Variants in ACP3 observed in about 807,000 individuals in gnomAD.
ACP3 encodes the protein acid phosphatase 3.
A neutral mutation model predicts 45.6 loss-of-function variants in ACP3; 38 were observed. That is an observed-to-expected ratio of 0.83 (90% CI 0.64 to 1.09). The LOEUF (loss-of-function observed/expected upper bound fraction) is 1.09, where lower values mean the gene tolerates loss of function less well. ACP3 is among the 50% of genes least tolerant of loss of function. The pLI is 0.00. For synonymous variants in ACP3, 162 were observed against 164.7 expected (o/e 0.98, Z 0.13); for missense variants, 466 against 463.2 (o/e 1.01, Z -0.05).
intron 5 of ACP3, among the ~76,000 whole-genome samples, chr3:132,341,848 A>G (rs1937556342): frequency 6.6e-6 from 1 of 152,240 alleles, no homozygotes; most frequent in Non-Finnish European, 1.5e-5. Flanking sequence ...TAGAAATTTC[A>G]TCCATCAGAC....
At chr3:132,330,603 C>G (rs1937382640) in intron 2 of ACP3, among the ~76,000 whole-genome samples, 1 of 152,162 alleles carries the variant, frequency 6.6e-6, no homozygotes, top group Non-Finnish European at 1.5e-5. Context: ...TTCTCCGCTA[C>G]TCAGGTCACG....
At chr3:132,320,917 C>G (rs1937195995) in intron 1 of ACP3, among the ~76,000 whole-genome samples, 1 of 152,156 alleles carries the variant, frequency 6.6e-6, no homozygotes, top group African/African-American at 2.4e-5. Flanking sequence ...TCCCAAAGGG[C>G]TGAGATTACA....
Position 132,328,248 on chromosome 3 carries a change from C to T in ACP3, c.121-19C>T, listed in dbSNP as rs778231613. 1.9e-6 allele frequency: 3 copies of T among 1,602,128 alleles called. No homozygotes were observed. In the Admixed American group the frequency reaches 5.0e-5, roughly 27 times the overall value. On this transcript the variant is annotated intron_variant, in intron 1 of 9. Coordinates refer to ENST00000336375, the MANE Select transcript of ACP3 (RefSeq NM_001099.5). Reference sequence around the variant, plus strand: ...CCCAAGTGACGTTTGTAACATCACTCTCTCACATCTACTTTCAGGTGTTTC... The same window carrying T: ...CCCAAGTGACGTTTGTAACATCACTTTCTCACATCTACTTTCAGGTGTTTC...
At chr3:132,360,534 C>T (rs969203652), downstream of ACP3, among the ~76,000 whole-genome samples, 4 of 152,144 alleles carry the variant, frequency 2.6e-5, no homozygotes, top group South Asian at 4.1e-4. Flanking sequence ...GATTCCAGAT[C>T]GTATCAATTA....
intron 8 of ACP3, among the ~76,000 whole-genome samples, chr3:132,350,258 A>C (rs1157942667): frequency 1.3e-5 from 2 of 152,228 alleles, no homozygotes; most frequent in African/African-American, 4.8e-5. Flanking sequence ...CACCTCAGAA[A>C]ATCTAGCCAT....
intron 1 of ACP3, among the ~76,000 whole-genome samples, chr3:132,320,233 C>T (rs1937180710): frequency 6.6e-6 from 1 of 152,142 alleles, no homozygotes; most frequent in Non-Finnish European, 1.5e-5. Context: ...TCACCTCCCT[C>T]TTTTTTTCCC....
rs915545478 is a variant in ACP3 at position 132,342,431 on chromosome 3, G to A, written c.556-121G>A. On this transcript the variant is annotated intron_variant, in intron 5 of 9. Coordinates refer to ENST00000336375, the MANE Select transcript of ACP3 (RefSeq NM_001099.5). ...TAGTGGGCAGAGGCCAGGATACTGT[G>A]AAACATCCTATAATGCACAGGAGAG... 7.8e-6 allele frequency: 5 copies of A among 641,292 alleles called. No homozygotes were observed. The African/African-American group carries it at 9.2e-5, about 12-fold the overall frequency. The allele number at this position is 641,292 out of a possible 1,614,324, so 39.7% of individuals were successfully genotyped here.
intron 7 of ACP3, among the ~76,000 whole-genome samples, chr3:132,345,748 G>T (rs1194692708): frequency 6.6e-6 from 1 of 152,130 alleles, no homozygotes; most frequent in Non-Finnish European, 1.5e-5. Flanking sequence ...TCATATGAAG[G>T]CAGACCCAGG....
At chr3:132,343,529 AT>A (rs1023123037) in intron 6 of ACP3, among the ~76,000 whole-genome samples, 8 of 151,724 alleles carry the variant, frequency 5.3e-5, no homozygotes, top group Admixed American at 1.3e-4. Flanking sequence ...TCCAGTCATA[AT>A]TTTTTTTTCT....
At chr3:132,356,664 C>T (rs1937906017) in intron 9 of ACP3, 22 bp from the exon 10 acceptor site, 1 of 1,613,076 alleles carries the variant, frequency 6.2e-7, no homozygotes, top group African/African-American at 1.3e-5. Flanking sequence ...ACAGAGCTCT[C>T]TCCTCTGCCT....
intron 1 of ACP3, among the ~76,000 whole-genome samples, chr3:132,318,655 T>A (rs949910683): frequency 1.3e-5 from 2 of 152,134 alleles, no homozygotes; most frequent in African/African-American, 4.8e-5. Flanking sequence ...AAACAAACTA[T>A]CAATTTATTT....
chr3:132,335,585 A>T (rs756539667), intron 4 of ACP3, among the ~76,000 whole-genome samples: 2 of 152,224 alleles, frequency 1.3e-5, no homozygotes, highest in Non-Finnish European at 2.9e-5. Context: ...AAGAAGTAAA[A>T]TAAAATAATG....
At chr3:132,333,247 C>T (rs538477094) in intron 4 of ACP3, among the ~76,000 whole-genome samples, 2 of 152,282 alleles carry the variant, frequency 1.3e-5, no homozygotes, top group South Asian at 4.1e-4. Flanking sequence ...AACGTGTTTA[C>T]ACAGGTTGGG....
At position 132,352,125 on chromosome 3, in the gene ACP3, T is replaced by G. The variant is rs138228115; in HGVS notation, c.865-595T>G. 6.9e-4 allele frequency among the ~76,000 whole-genome samples: 105 copies of G among 152,298 alleles called. 1 individual carries two copies. The East Asian group carries it at 0.017, about 24-fold the overall frequency. ...TTGATTCAAATTTACTTTCTTCCAT[T>G]TGGGGTTATATGACATTAAGCAAGT... On this transcript the variant is annotated intron_variant, in intron 8 of 9. Transcript: ENST00000336375.
In ACP3 at chr3:132,356,920, C is replaced by G. The variant is rs1937918387; in HGVS notation, c.*42C>G. ...TGTAGAAGGAGTAGCTGCCCTTTCT[C>G]AGGGCAGATGATGCTTTGAGAACAT... On this transcript the variant is annotated 3_prime_UTR_variant, in exon 10 of 10. Coordinates refer to ENST00000336375, the MANE Select transcript of ACP3 (RefSeq NM_001099.5). The G allele has an allele frequency of 1.3e-6, 2 of 1,574,672 alleles. No homozygotes were observed. Among genetic ancestry groups the G allele is most frequent in the African/African-American group, 1.4e-5 (1 of 73,718 alleles).
At chr3:132,320,400 C>T (rs1937184438) in intron 1 of ACP3, among the ~76,000 whole-genome samples, 1 of 152,160 alleles carries the variant, frequency 6.6e-6, no homozygotes, top group Admixed American at 6.5e-5. Flanking sequence ...TTCCCACACA[C>T]ACCCACTTGA....
chr3:132,357,502 T>TA lies in ACP3; in HGVS notation c.*628dup. 2 of 985,224 alleles carry TA rather than the reference T, an allele frequency of 2.0e-6. No homozygotes were observed. The highest frequency in any genetic ancestry group is 9.4e-5 in the South Asian group (2 of 21,278). 61.0% of individuals were successfully genotyped at this position (985,224 alleles called of 1,614,324 possible). On this transcript the variant is annotated 3_prime_UTR_variant, in exon 10 of 10. Transcript: ENST00000336375. Reference sequence around the variant, plus strand: ...TATATGAGGCTACAGAACTAAAAATTAAAACCTCTTTGTGTCCCTTGGTCC... The same window carrying TA: ...TATATGAGGCTACAGAACTAAAAATTAAAAACCTCTTTGTGTCCCTTGGTCC...
chr3:132,335,493 G>A (rs753270636), intron 4 of ACP3, among the ~76,000 whole-genome samples: 2 of 152,174 alleles, frequency 1.3e-5, no homozygotes, highest in Non-Finnish European at 2.9e-5. Flanking sequence ...GCCCTGTGCT[G>A]GGCATTGACA....
chr3:132,332,828 A>G (rs1937425411), intron 4 of ACP3, among the ~76,000 whole-genome samples: 1 of 152,216 alleles, frequency 6.6e-6, no homozygotes, highest in African/African-American at 2.4e-5. Context: ...TATGTGAATC[A>G]TTGTGTTACC....
Sources: allele counts gnomAD v4.1 joint callset (sites outside exome capture counted in the v4.1 genomes callset), GRCh38; gene constraint gnomAD v4.1.1; transcripts MANE v1.5; gene names NCBI Gene and HGNC (gene_info 2026-07-23, HGNC 2026-07-21).